FRMD4B: variants seen among roughly 807,000 people sequenced by gnomAD.
FRMD4B encodes FERM domain-containing protein 4B.
In FRMD4B, 74 loss-of-function variants were observed where a neutral mutation model predicts 141.5. The ratio of observed to expected loss-of-function variants is 0.52; its 90% CI spans 0.43 to 0.63. The LOEUF is 0.63. Among genes scored for constraint, FRMD4B ranks in the 30% least tolerant of loss-of-function variants. The pLI, the probability that FRMD4B is intolerant of heterozygous loss-of-function variation, is 0.00. For synonymous variants in FRMD4B, 506 were observed against 467.9 expected (o/e 1.08, Z -1.05); for missense variants, 1,366 against 1,253.4 (o/e 1.09, Z -1.36).
intron 19 of FRMD4B, among the ~76,000 whole-genome samples, chr3:69,183,803 A>G (rs2092736314): frequency 6.6e-6 from 1 of 151,860 alleles, no homozygotes; most frequent in East Asian, 1.9e-4. Context: ...TTTTTTAACT[A>G]AAAATAATTT....
chr3:69,203,365 C>T (rs1253762682), intron 11 of FRMD4B, among the ~76,000 whole-genome samples: 2 of 126,952 alleles, frequency 1.6e-5, no homozygotes, highest in African/African-American at 5.7e-5. Flanking sequence ...AAGAAAAATA[C>T]TATAAGGAAA....
chr3:69,325,896 T>G (rs993292596), intron 1 of FRMD4B, among the ~76,000 whole-genome samples: 3 of 152,184 alleles, frequency 2.0e-5, no homozygotes, highest in African/African-American at 7.2e-5. Flanking sequence ...ACTATCCTGT[T>G]CTCCAGAAAT....
At chr3:69,245,696 C>T (rs2093420425) in intron 7 of FRMD4B, among the ~76,000 whole-genome samples, 1 of 144,818 alleles carries the variant, frequency 6.9e-6, no homozygotes, top group Non-Finnish European at 1.5e-5. Context: ...CAGAGTCCCA[C>T]TCTGTCATCC....
intron 7 of FRMD4B, among the ~76,000 whole-genome samples, chr3:69,227,080 G>C (rs1176343517): frequency 6.6e-6 from 1 of 152,202 alleles, no homozygotes; most frequent in Non-Finnish European, 1.5e-5. Context: ...ATTGAAAGAT[G>C]AAGTTTAGTC....
At chr3:69,240,163 T>G (rs186273865) in intron 7 of FRMD4B, among the ~76,000 whole-genome samples, 45 of 152,046 alleles carry the variant, frequency 3.0e-4, no homozygotes, top group Non-Finnish European at 5.3e-4. Context: ...TACTACAATT[T>G]AAAAAAATTT....
intron 1 of FRMD4B, among the ~76,000 whole-genome samples, chr3:69,319,376 G>A (rs1057128943): frequency 3.3e-5 from 5 of 152,104 alleles, no homozygotes; most frequent in African/African-American, 1.2e-4. Context: ...AAAACTGACA[G>A]CTACGCTTTT....
intron 2 of FRMD4B, among the ~76,000 whole-genome samples, chr3:69,402,696 G>T (rs1295938644): frequency 1.3e-5 from 2 of 152,098 alleles, no homozygotes; most frequent in Non-Finnish European, 2.9e-5. Flanking sequence ...TCTAGATCTC[G>T]TGGATACCAA....
intron 1 of FRMD4B, among the ~76,000 whole-genome samples, chr3:69,503,472 G>A (rs1706536753): frequency 6.9e-6 from 1 of 144,436 alleles, no homozygotes; most frequent in Non-Finnish European, 1.5e-5. Flanking sequence ...ACTGATAGGA[G>A]GGAACTGAAC....
chr3:69,540,660 T>TATATATATATACACACACACAC (rs1241897477), intron 1 of FRMD4B, among the ~76,000 whole-genome samples: 4 of 56,870 alleles, frequency 7.0e-5, no homozygotes, highest in African/African-American at 3.1e-4. Context: ...TATATATATA[T>TATATATATATACACACACACAC]ACACACACAC....
At chr3:69,423,287 T>A (rs1705014417) in intron 2 of FRMD4B, among the ~76,000 whole-genome samples, 1 of 152,148 alleles carries the variant, frequency 6.6e-6, no homozygotes, top group South Asian at 2.1e-4. Context: ...GCGCTGCAAT[T>A]ACAGGCATGA....
intron 1 of FRMD4B, among the ~76,000 whole-genome samples, chr3:69,521,997 G>C (rs1287726859): frequency 6.6e-6 from 1 of 152,154 alleles, no homozygotes; most frequent in East Asian, 1.9e-4. Context: ...ATCAATGAAT[G>C]CACCCTTTAG....
intron 1 of FRMD4B, among the ~76,000 whole-genome samples, chr3:69,540,803 C>A (rs1225892422): frequency 6.6e-6 from 1 of 151,586 alleles, no homozygotes; most frequent in African/African-American, 2.4e-5. Flanking sequence ...GAAATTAGAT[C>A]TTACATAAAC....
At chr3:69,175,939 C>A (rs2092640431) in intron 22 of FRMD4B, among the ~76,000 whole-genome samples, 1 of 152,006 alleles carries the variant, frequency 6.6e-6, no homozygotes, top group South Asian at 2.1e-4. Context: ...CGCCACCATG[C>A]CCAACTAATT....
At chr3:69,214,505 T>C (rs1395863564) in intron 11 of FRMD4B, among the ~76,000 whole-genome samples, 4 of 152,128 alleles carry the variant, frequency 2.6e-5, no homozygotes, top group Non-Finnish European at 4.4e-5. Flanking sequence ...TGGTGATCTA[T>C]ATGGATTCTT....
intron 11 of FRMD4B, among the ~76,000 whole-genome samples, chr3:69,216,011 G>T (rs559223407): frequency 7.9e-5 from 12 of 152,214 alleles, no homozygotes; most frequent in African/African-American, 2.6e-4. Context: ...AAAATTAGCC[G>T]GGTGTGGTGG....
chr3:69,483,653 C>T (rs1706166720), intron 1 of FRMD4B, among the ~76,000 whole-genome samples: 1 of 152,148 alleles, frequency 6.6e-6, no homozygotes, highest in Non-Finnish European at 1.5e-5. Context: ...GGAGAAGACA[C>T]AGAAAACCTG....
At chr3:69,277,624 A>C (rs2093624069) in intron 5 of FRMD4B, among the ~76,000 whole-genome samples, 1 of 138,228 alleles carries the variant, frequency 7.2e-6, no homozygotes, top group African/African-American at 2.7e-5. Context: ...CCAAGTTCCC[A>C]AGGCAATTCT....
chr3:69,236,121 C>G (rs1695725280), intron 7 of FRMD4B, among the ~76,000 whole-genome samples: 1 of 152,074 alleles, frequency 6.6e-6, no homozygotes, highest in Admixed American at 6.6e-5. Flanking sequence ...AGCAGTGTTT[C>G]TTGAACCACA....
At chr3:69,400,140 C>T (rs569558785) in intron 2 of FRMD4B, among the ~76,000 whole-genome samples, 36 of 151,200 alleles carry the variant, frequency 2.4e-4, no homozygotes, top group African/African-American at 8.8e-4. Flanking sequence ...AATCCCAGCA[C>T]ATTGGGAGTC....
Sources: gnomAD v4.1 joint callset for allele counts (sites outside exome capture counted in the v4.1 genomes callset) on GRCh38, gnomAD v4.1.1 for gene constraint, MANE v1.5 for transcripts, NCBI Gene and HGNC (gene_info 2026-07-23, HGNC 2026-07-21) for gene names.